ANO4: variants seen among roughly 807,000 people sequenced by gnomAD.
ANO4 encodes anoctamin 4, also known as anoctamin-4.
Under a neutral mutation model 141.9 loss-of-function variants are expected in ANO4, and 69 were observed. That is an observed-to-expected ratio of 0.49 (90% CI 0.40 to 0.59). The LOEUF is 0.59. Among genes scored for constraint, ANO4 ranks in the 20% least tolerant of loss-of-function variants. The pLI, the probability that ANO4 is intolerant of heterozygous loss-of-function variation, is 0.00. For synonymous variants in ANO4, 350 were observed against 394.3 expected (o/e 0.89, Z 1.33); for missense variants, 894 against 1,162.2 (o/e 0.77, Z 3.36).
At chr12:101,040,169 C>T in intron 11 of ANO4, 93 bp downstream of exon 11, 1 of 1,462,920 alleles carries the variant, frequency 6.8e-7, no homozygotes, top group Non-Finnish European at 9.1e-7. Flanking sequence ...GCAAAAAGAG[C>T]CTGAAGTGTA....
chr12:100,934,983 G>C (rs150333455), intron 3 of ANO4, among the ~76,000 whole-genome samples: 4,180 of 152,282 alleles, frequency 0.027, 76 homozygotes, highest in Middle Eastern at 0.092. Context: ...AGCTTAAGGA[G>C]ATTTTGGGCT....
chr12:100,885,117 G>A (rs576227333), intron 1 of ANO4, among the ~76,000 whole-genome samples: 154 of 152,342 alleles, frequency 1.0e-3, no homozygotes, highest in African/African-American at 3.6e-3. Context: ...TGTTTTTGAG[G>A]TCTTATGTGA....
chr12:101,061,449 TCTC>T (rs2048341612), intron 14 of ANO4, among the ~76,000 whole-genome samples: 1 of 152,134 alleles, frequency 6.6e-6, no homozygotes, highest in Non-Finnish European at 1.5e-5. Context: ...CTGGGGAAGT[TCTC>T]CTGGATAATA....
At chr12:100,899,805 T>C (rs2040505307) in intron 1 of ANO4, among the ~76,000 whole-genome samples, 1 of 152,210 alleles carries the variant, frequency 6.6e-6, no homozygotes, top group South Asian at 2.1e-4. Context: ...AAATAATTTT[T>C]TTTACATTCC....
intron 9 of ANO4, among the ~76,000 whole-genome samples, chr12:101,032,867 G>A (rs1422797872): frequency 1.3e-5 from 2 of 151,398 alleles, no homozygotes; most frequent in African/African-American, 4.9e-5. Context: ...TACACTGTTG[G>A]TGGGACTGTA....
chr12:100,802,011 C>G (rs971443891), intron 1 of ANO4, among the ~76,000 whole-genome samples: 2 of 152,124 alleles, frequency 1.3e-5, no homozygotes, highest in Non-Finnish European at 2.9e-5. Flanking sequence ...TCACCCATCC[C>G]TTTTGCCCTT....
chr12:100,782,290 A>G (rs2033733888), intron 3 of ANO4, among the ~76,000 whole-genome samples: 1 of 152,090 alleles, frequency 6.6e-6, no homozygotes, highest in South Asian at 2.1e-4. Flanking sequence ...TGACCATACA[A>G]GTTTTTGAAT....
At chr12:100,942,568 A>G (rs767814692) in intron 5 of ANO4, 33 bp downstream of exon 5, 4 of 1,596,226 alleles carry the variant, frequency 2.5e-6, no homozygotes, top group South Asian at 1.1e-5. Context: ...AAAAAAATAT[A>G]TACATATCTA....
At chr12:101,009,320 A>T (rs375258257) in intron 8 of ANO4, among the ~76,000 whole-genome samples, 1 of 151,754 alleles carries the variant, frequency 6.6e-6, no homozygotes, top group Non-Finnish European at 1.5e-5. Flanking sequence ...AGAAGAAAAA[A>T]CTCTGCTGAC....
At chr12:100,922,557 A>G (rs1398558529) in intron 3 of ANO4, among the ~76,000 whole-genome samples, 4 of 152,176 alleles carry the variant, frequency 2.6e-5, no homozygotes. Context: ...AAAAAGCTAT[A>G]ACGGAATGAT....
At chr12:100,977,931 G>A (rs1368394206) in intron 7 of ANO4, among the ~76,000 whole-genome samples, 1 of 152,150 alleles carries the variant, frequency 6.6e-6, no homozygotes, top group Non-Finnish European at 1.5e-5. Flanking sequence ...GCTCACGTGG[G>A]TTTATGTGCT....
chr12:100,938,710 T>C (rs2042386856), intron 3 of ANO4, among the ~76,000 whole-genome samples: 1 of 152,184 alleles, frequency 6.6e-6, no homozygotes, highest in African/African-American at 2.4e-5. Flanking sequence ...AACAGTCTTT[T>C]GAGAGAGCTT....
At chr12:100,796,124 A>G (rs1266342948) in intron 1 of ANO4, among the ~76,000 whole-genome samples, 2 of 147,428 alleles carry the variant, frequency 1.4e-5, no homozygotes, top group Non-Finnish European at 3.0e-5. Flanking sequence ...TTGTAATTCT[A>G]TTTAGTTATT....
intron 3 of ANO4, among the ~76,000 whole-genome samples, chr12:100,777,904 A>G (rs895340359): frequency 2.7e-5 from 4 of 149,432 alleles, no homozygotes; most frequent in Non-Finnish European, 5.9e-5. Context: ...TTGTCTTTAG[A>G]AGATAATGCT....
intron 18 of ANO4, among the ~76,000 whole-genome samples, chr12:101,096,032 G>A (rs1380273613): frequency 6.6e-6 from 1 of 152,194 alleles, no homozygotes; most frequent in East Asian, 1.9e-4. Flanking sequence ...TGGGGGATAA[G>A]GGTAAAAGCA....
At chr12:101,062,139 C>T (rs1165825751) in intron 14 of ANO4, among the ~76,000 whole-genome samples, 2 of 152,306 alleles carry the variant, frequency 1.3e-5, no homozygotes, top group East Asian at 1.9e-4. Flanking sequence ...CAGCCAGACC[C>T]CTCTGCTGCA....
chr12:100,856,951 G>C (rs1394088373), intron 1 of ANO4, among the ~76,000 whole-genome samples: 2 of 152,120 alleles, frequency 1.3e-5, no homozygotes, highest in African/African-American at 4.8e-5. Context: ...AAGGATGTGA[G>C]GGAGAGAAGA....
intron 5 of ANO4, among the ~76,000 whole-genome samples, chr12:100,948,195 A>T (rs1361292497): frequency 6.7e-6 from 1 of 149,398 alleles, no homozygotes; most frequent in African/African-American, 2.5e-5. Flanking sequence ...AGACAGGCTG[A>T]GAAGACAAGT....
chr12:101,097,891 G>T lies in ANO4; in HGVS notation c.1952G>T (p.Gly651Val), dbSNP rs1181912783. ...CTTATTGATCTGTGTATGCAAATGGGTATTATAATGGTGCTAAAGCAGACC... is the reference window on the plus strand; with the variant it reads ...CTTATTGATCTGTGTATGCAAATGGTTATTATAATGGTGCTAAAGCAGACC... ...GCLIDLCMQM[G>V]IIMVLKQTWN... The change falls in exon 21 of 28, where the codon GGT becomes GTT. Residue 651 changes from glycine (G) to valine (V), a missense_variant. By Grantham distance (109) the Gly-to-Val change is moderately radical. Around this residue, in one of 2 missense-constraint regions of ANO4, gnomAD observed 637 missense variants for 909.2 expected, o/e 0.70. Coordinates refer to ENST00000392977, the MANE Select transcript of ANO4 (RefSeq NM_001286615.2). 6.2e-7 allele frequency: 1 copy of T among 1,613,870 alleles called. No individual in the cohort carries two copies. Among genetic ancestry groups the T allele is most frequent in the Admixed American group, 1.7e-5 (1 of 60,004 alleles).
Sources: allele counts gnomAD v4.1 joint callset (sites outside exome capture counted in the v4.1 genomes callset), GRCh38; gene constraint gnomAD v4.1.1; regional missense constraint gnomAD v4.1.1; transcripts MANE v1.5; gene names NCBI Gene and HGNC (gene_info 2026-07-23, HGNC 2026-07-21).